Variants in ASAP1 observed in about 807,000 individuals in gnomAD.
ASAP1 encodes arf-GAP with SH3 domain, ANK repeat and PH domain-containing protein 1.
In ASAP1, 43 loss-of-function variants were observed where a neutral mutation model predicts 145.2. The observed-to-expected ratio is 0.30, with a 90% CI of 0.23 to 0.38. ASAP1 has a LOEUF of 0.38. Ranked by LOEUF, ASAP1 falls within the 10% of genes least tolerant of loss-of-function variation. ASAP1 has a pLI of 1.00. For missense variants in ASAP1, 1,018 were observed against 1,355.3 expected (o/e 0.75, Z 3.91); for synonymous variants, 546 against 515.5 (o/e 1.06, Z -0.80).
intron 25 of ASAP1, chr8:130,083,411 C>T (rs1174647985): frequency 6.6e-6 from 1 of 152,158 alleles, no homozygotes; most frequent in African/African-American, 2.4e-5. Flanking sequence ...GCTGACTTGA[C>T]CAGCCCTTAT....
intron 27 of ASAP1, among the ~76,000 whole-genome samples, chr8:130,063,140 C>T (rs895353272): frequency 2.0e-5 from 3 of 152,072 alleles, no homozygotes; most frequent in Non-Finnish European, 4.4e-5. Context: ...CATCAGTTAT[C>T]TTGGGTGGTA....
At chr8:130,139,653 T>C (rs999195287) in intron 13 of ASAP1, among the ~76,000 whole-genome samples, 1 of 151,734 alleles carries the variant, frequency 6.6e-6, no homozygotes, top group Non-Finnish European at 1.5e-5. Context: ...CACTTGAGCC[T>C]GACAGGTGGA....
rs138624136 is a variant in ASAP1 at position 130,232,734 on chromosome 8, C to T, written c.259+4188G>A. Among the ~76,000 whole-genome samples the T allele has an allele frequency of 8.3e-3, 1,266 of 152,188 alleles. 19 individuals carry two copies. The highest frequency in any genetic ancestry group is 0.029 in the African/African-American group (1,218 of 41,534). On this transcript the variant is annotated intron_variant, in intron 4 of 29. Transcript: ENST00000518721. ...AGTAAGAAGCTTCACAATGTTTAGC[C>T]ATTTTTCAAATCACTTTGGGAAGCT...
At chr8:130,372,613 A>G (rs926818731) in intron 2 of ASAP1, among the ~76,000 whole-genome samples, 2 of 152,250 alleles carry the variant, frequency 1.3e-5, no homozygotes, top group African/African-American at 4.8e-5. Flanking sequence ...CCACAATGAC[A>G]TAAGTGAGGA....
intron 3 of ASAP1, among the ~76,000 whole-genome samples, chr8:130,265,463 C>T (rs1392789675): frequency 6.6e-6 from 1 of 151,530 alleles, no homozygotes; most frequent in Non-Finnish European, 1.5e-5. Context: ...GTCCCAGTGA[C>T]TCATGAGGCT....
intron 1 of ASAP1, among the ~76,000 whole-genome samples, chr8:130,417,302 A>T (rs1829525209): frequency 6.6e-6 from 1 of 152,234 alleles, no homozygotes; most frequent in Admixed American, 6.5e-5. Context: ...AATGCAATGG[A>T]CTATGTGCCG....
At chr8:130,300,143 C>G (rs1028870195) in intron 3 of ASAP1, among the ~76,000 whole-genome samples, 144 of 111,682 alleles carry the variant, frequency 1.3e-3, no homozygotes, top group African/African-American at 5.2e-3. Context: ...CACACACACA[C>G]ACACACACAC....
intron 1 of ASAP1, among the ~76,000 whole-genome samples, chr8:130,417,663 CT>C (rs1268272341): frequency 6.6e-6 from 1 of 151,194 alleles, no homozygotes; most frequent in Non-Finnish European, 1.5e-5. Flanking sequence ...GCTGACAAAA[CT>C]GACAAGTCCA....
chr8:130,353,228 G>C (rs951624992), intron 3 of ASAP1, among the ~76,000 whole-genome samples: 1 of 152,164 alleles, frequency 6.6e-6, no homozygotes. Flanking sequence ...TACCTCAGTA[G>C]GACTTGGAAA....
chr8:130,369,423 G>T (rs1298764730), intron 2 of ASAP1, among the ~76,000 whole-genome samples: 1 of 152,184 alleles, frequency 6.6e-6, no homozygotes, highest in African/African-American at 2.4e-5. Context: ...AAAAGTTTTG[G>T]ATTTGGGAGA....
intron 3 of ASAP1, among the ~76,000 whole-genome samples, chr8:130,322,227 G>T (rs551713467): frequency 2.9e-4 from 44 of 151,446 alleles, no homozygotes; most frequent in Non-Finnish European, 5.4e-4. Flanking sequence ...AATTGCATAA[G>T]AAACTGAGAG....
At chr8:130,334,694 C>T (rs1245644213) in intron 3 of ASAP1, among the ~76,000 whole-genome samples, 2 of 152,180 alleles carry the variant, frequency 1.3e-5, no homozygotes, top group African/African-American at 4.8e-5. Flanking sequence ...TAGTGATTTC[C>T]TGTTTCTTTC....
chr8:130,170,128 T>C (rs1291746946), intron 9 of ASAP1, among the ~76,000 whole-genome samples: 1 of 152,154 alleles, frequency 6.6e-6, no homozygotes, highest in Non-Finnish European at 1.5e-5. Flanking sequence ...CTCATCTCCC[T>C]ATCACAGTGG....
intron 3 of ASAP1, among the ~76,000 whole-genome samples, chr8:130,305,415 C>G (rs376971513): frequency 6.6e-6 from 1 of 152,124 alleles, no homozygotes; most frequent in Non-Finnish European, 1.5e-5. Flanking sequence ...GGTGCGATCT[C>G]GGCTCACCGC....
intron 24 of ASAP1, among the ~76,000 whole-genome samples, chr8:130,096,311 A>C (rs2097517775): frequency 6.6e-6 from 1 of 152,198 alleles, no homozygotes; most frequent in Non-Finnish European, 1.5e-5. Context: ...AGTCAGGAAA[A>C]AAGCAATTCT....
intron 5 of ASAP1, among the ~76,000 whole-genome samples, chr8:130,196,818 C>T (rs1462549655): frequency 5.3e-5 from 8 of 152,208 alleles, no homozygotes; most frequent in Non-Finnish European, 7.3e-5. Context: ...GTTAAGTCTG[C>T]GATTCCCTGG....
chr8:130,432,669 G>A (rs924044809), intron 1 of ASAP1, among the ~76,000 whole-genome samples: 26 of 152,202 alleles, frequency 1.7e-4, no homozygotes, highest in Non-Finnish European at 3.5e-4. Flanking sequence ...TCCCAAGATG[G>A]CTGCCACGGT....
chr8:130,289,936 T>C (rs1037881125), intron 3 of ASAP1, among the ~76,000 whole-genome samples: 4 of 152,338 alleles, frequency 2.6e-5, no homozygotes, highest in South Asian at 2.1e-4. Context: ...CAAAATTTCA[T>C]GTCAAAACTC....
intron 27 of ASAP1, 74 bp downstream of exon 27, chr8:130,076,274 A>AT: frequency 1.9e-6 from 2 of 1,077,948 alleles, no homozygotes; most frequent in Non-Finnish European, 1.4e-6. Flanking sequence ...AACAAGGGAG[A>AT]TAAAAACCTT....
Sources: gnomAD v4.1 joint callset for allele counts (sites outside exome capture counted in the v4.1 genomes callset) on GRCh38, gnomAD v4.1.1 for gene constraint, MANE v1.5 for transcripts, NCBI Gene and HGNC (gene_info 2026-07-23, HGNC 2026-07-21) for gene names.